NEGR1: variants seen among roughly 807,000 people sequenced by gnomAD.
NEGR1 encodes the protein neuronal growth regulator 1.
Under a neutral mutation model 40.9 loss-of-function variants are expected in NEGR1, and 10 were observed. That is an observed-to-expected ratio of 0.24 (90% CI 0.15 to 0.42). The LOEUF (loss-of-function observed/expected upper bound fraction) is 0.42, where lower values mean the gene tolerates loss of function less well. NEGR1 is among the 10% of genes least tolerant of loss of function. NEGR1 has a pLI of 1.00. For synonymous variants in NEGR1, 185 were observed against 166.8 expected (o/e 1.11, Z -0.84); for missense variants, 352 against 438.9 (o/e 0.80, Z 1.77).
At chr1:71,738,220 G>A (rs1174947353) in intron 3 of NEGR1, 2 of 200,084 alleles carry the variant, frequency 1.0e-5, no homozygotes, top group Non-Finnish European at 2.3e-5. Flanking sequence ...ATTTGTGAAC[G>A]AAGTGGAATC....
chr1:71,617,093 C>A (rs532054181), intron 4 of NEGR1, among the ~76,000 whole-genome samples: 71 of 152,284 alleles, frequency 4.7e-4, no homozygotes, highest in Admixed American at 1.1e-3. Context: ...AGAACAGAAG[C>A]AATTATTGAA....
chr1:71,779,088 A>T (rs975751940), intron 2 of NEGR1, among the ~76,000 whole-genome samples: 22 of 152,120 alleles, frequency 1.4e-4, no homozygotes, highest in Admixed American at 5.9e-4. Flanking sequence ...AGTAAGAGAA[A>T]ATCCCTCTGA....
chr1:71,671,065 ACTAT>A (rs199698528), intron 4 of NEGR1, among the ~76,000 whole-genome samples: 122 of 151,780 alleles, frequency 8.0e-4, no homozygotes, highest in Middle Eastern at 3.4e-3. Context: ...GCGAATTATA[ACTAT>A]TTATTGTTAT....
At chr1:72,072,681 A>G (rs1025205112) in intron 1 of NEGR1, among the ~76,000 whole-genome samples, 1 of 152,124 alleles carries the variant, frequency 6.6e-6, no homozygotes, top group African/African-American at 2.4e-5. Flanking sequence ...TCTCTGTGTA[A>G]CACAAAGGCT....
At chr1:71,795,280 C>T (rs2101740798) in intron 2 of NEGR1, among the ~76,000 whole-genome samples, 1 of 151,762 alleles carries the variant, frequency 6.6e-6, no homozygotes, top group East Asian at 1.9e-4. Context: ...CACCTGGGAG[C>T]TTTTTACAAA....
chr1:71,868,862 C>T (rs904031244), intron 2 of NEGR1, among the ~76,000 whole-genome samples: 1 of 152,020 alleles, frequency 6.6e-6, no homozygotes, highest in South Asian at 2.1e-4. Context: ...TCCCTCTCAC[C>T]ACTTTCCCCT....
intron 6 of NEGR1, among the ~76,000 whole-genome samples, chr1:71,473,905 A>T (rs1646800987): frequency 6.6e-6 from 1 of 152,060 alleles, no homozygotes; most frequent in Non-Finnish European, 1.5e-5. Flanking sequence ...AGAAAAAAAA[A>T]TTTTGGAAGC....
intron 5 of NEGR1, among the ~76,000 whole-genome samples, chr1:71,596,812 C>T (rs552434468): frequency 2.6e-5 from 4 of 152,254 alleles, no homozygotes; most frequent in Non-Finnish European, 2.9e-5. Context: ...GACTTCATTC[C>T]TAATGTAGGA....
chr1:71,804,904 A>T (rs1657697894), intron 2 of NEGR1, among the ~76,000 whole-genome samples: 1 of 152,184 alleles, frequency 6.6e-6, no homozygotes, highest in African/African-American at 2.4e-5. Context: ...ACACAGCCAT[A>T]TTTCTCTTCT....
At chr1:71,443,876 TC>T (rs1646564132) in intron 6 of NEGR1, among the ~76,000 whole-genome samples, 1 of 152,212 alleles carries the variant, frequency 6.6e-6, no homozygotes, top group African/African-American at 2.4e-5. Flanking sequence ...TCTAGATTTT[TC>T]ATTAGCACTT....
chr1:71,928,288 A>G (rs1013472406), intron 2 of NEGR1, among the ~76,000 whole-genome samples: 13 of 138,704 alleles, frequency 9.4e-5, no homozygotes, highest in South Asian at 2.3e-4. Context: ...ATACACACAT[A>G]TGTATATATG....
At chr1:71,434,425 TC>T (rs150461671) in intron 6 of NEGR1, among the ~76,000 whole-genome samples, 1,612 of 152,300 alleles carry the variant, frequency 0.011, 38 homozygotes, top group African/African-American at 0.037. Flanking sequence ...TGTAGCCACT[TC>T]CTGTTGCTAT....
intron 3 of NEGR1, among the ~76,000 whole-genome samples, chr1:71,729,361 T>G (rs2101661862): frequency 6.6e-6 from 1 of 152,314 alleles, no homozygotes; most frequent in East Asian, 1.9e-4. Context: ...TCACCTAAAC[T>G]AATCATAATC....
chr1:72,066,574 A>G (rs564780722), intron 1 of NEGR1, among the ~76,000 whole-genome samples: 1 of 152,162 alleles, frequency 6.6e-6, no homozygotes, highest in Non-Finnish European at 1.5e-5. Flanking sequence ...AAATGAGGTC[A>G]TAAGCTTGGG....
intron 6 of NEGR1, among the ~76,000 whole-genome samples, chr1:71,451,333 A>ATTTTTTTTTT (rs35201330): frequency 2.2e-5 from 3 of 138,352 alleles, no homozygotes; most frequent in African/African-American, 8.2e-5. Flanking sequence ...AGTGCTACAG[A>ATTTTTTTTTT]TTTTTTTTTT....
intron 1 of NEGR1, among the ~76,000 whole-genome samples, chr1:71,971,458 G>T (rs1387967695): frequency 6.6e-6 from 1 of 152,062 alleles, no homozygotes; most frequent in East Asian, 1.9e-4. Flanking sequence ...TTCATGTATT[G>T]ATTGGGTTGT....
intron 6 of NEGR1, among the ~76,000 whole-genome samples, chr1:71,505,447 A>C (rs963418302): frequency 3.3e-5 from 5 of 151,918 alleles, no homozygotes; most frequent in Non-Finnish European, 7.4e-5. Flanking sequence ...GCGCCAGACT[A>C]ATTTTTTGCA....
rs966371091 is a variant in NEGR1 at position 71,960,434 on chromosome 1, A to C, written c.177-25123T>G. On this transcript the variant is annotated intron_variant, in intron 1 of 6. Coordinates refer to ENST00000357731, the MANE Select transcript of NEGR1 (RefSeq NM_173808.3). ...GATAATAAAGTCAGGCCTTTAAATG[A>C]AGGTTTATTGCCACACATATTTGAA... Among the ~76,000 whole-genome samples the C allele has an allele frequency of 3.9e-5, 6 of 152,186 alleles. No individual in the cohort carries two copies. In the South Asian group the frequency reaches 1.2e-3, roughly 31 times the overall value.
At chr1:72,151,518 TAATC>T (rs1400800883) in intron 1 of NEGR1, among the ~76,000 whole-genome samples, 2 of 151,486 alleles carry the variant, frequency 1.3e-5, no homozygotes, top group Non-Finnish European at 3.0e-5. Context: ...ATATACATGA[TAATC>T]AATAATAAAA....
Sources: gnomAD v4.1 joint callset for allele counts (sites outside exome capture counted in the v4.1 genomes callset) on GRCh38, gnomAD v4.1.1 for gene constraint, MANE v1.5 for transcripts, NCBI Gene and HGNC (gene_info 2026-07-23, HGNC 2026-07-21) for gene names.